UNC5D: variants seen among roughly 807,000 people sequenced by gnomAD.
UNC5D encodes the protein netrin receptor UNC5D.
Under a neutral mutation model 105.4 loss-of-function variants are expected in UNC5D, and 39 were observed. That is an observed-to-expected ratio of 0.37 (90% CI 0.29 to 0.48). The LOEUF is 0.48. Among genes scored for constraint, UNC5D ranks in the 20% least tolerant of loss-of-function variants. UNC5D has a pLI of 0.98. For missense variants in UNC5D, 991 were observed against 1,202.4 expected, an observed-to-expected ratio of 0.82 and a Z score of 2.60; for synonymous variants, 452 against 450.4, an observed-to-expected ratio of 1.00 and a Z score of -0.04.
At position 35,315,687 on chromosome 8, in the gene UNC5D, G is replaced by A. The variant is rs368392007; in HGVS notation, c.103+79800G>A. 3.2e-4 allele frequency among the ~76,000 whole-genome samples: 48 copies of A among 152,286 alleles called. 1 individual carries two copies. Among genetic ancestry groups the A allele is most frequent in the African/African-American group, 1.1e-3 (44 of 41,562 alleles). ...TGTGCGGCCAATTTTGTAGTTTATT[G>A]CAACTTAAAACATCTCAATGAGGCA... On this transcript the variant is annotated intron_variant, in intron 1 of 16. Coordinates refer to ENST00000404895, the MANE Select transcript of UNC5D (RefSeq NM_080872.4).
chr8:35,276,364 T>A (rs1805777338), intron 1 of UNC5D, among the ~76,000 whole-genome samples: 1 of 152,172 alleles, frequency 6.6e-6, no homozygotes, highest in Non-Finnish European at 1.5e-5. Context: ...TTAGCACAGC[T>A]AATAAATAAC....
Position 35,568,147 on chromosome 8 carries a change from G to T in UNC5D, c.372G>T (p.Glu124Asp). 6.2e-7 allele frequency: 1 copy of T among 1,614,218 alleles called. No homozygotes were observed. Among genetic ancestry groups the T allele is most frequent in the South Asian group, 1.1e-5 (1 of 91,084 alleles). The change falls in exon 3 of 17, where the codon GAG becomes GAT. Residue 124 changes from glutamate (E) to aspartate (D), a missense_variant. Physicochemically the swap from Glu to Asp is conservative, Grantham distance 45 (BLOSUM62 2). Around this residue, in one of 3 missense-constraint regions of UNC5D, gnomAD observed 944 missense variants for 1,131.6 expected, o/e 0.83. Coordinates refer to ENST00000404895, the MANE Select transcript of UNC5D (RefSeq NM_080872.4). Reference sequence around the variant, plus strand: ...TCAATGTTACTAGGCAACAGGTGGAGGACTTCCATGGGCCCGAGGACTATT... The same window carrying T: ...TCAATGTTACTAGGCAACAGGTGGATGACTTCCATGGGCCCGAGGACTATT... ...VFINVTRQQV[E>D]DFHGPEDYWC... is the part of the protein sequence containing the mutation.
At chr8:35,679,076 C>T (rs1825478704) in intron 4 of UNC5D, among the ~76,000 whole-genome samples, 1 of 152,016 alleles carries the variant, frequency 6.6e-6, no homozygotes, top group Non-Finnish European at 1.5e-5. Context: ...TAGTGAAACC[C>T]TGTCTCTACA....
intron 1 of UNC5D, among the ~76,000 whole-genome samples, chr8:35,304,732 A>G (rs554587672): frequency 9.2e-5 from 14 of 152,118 alleles, no homozygotes; most frequent in Non-Finnish European, 1.5e-4. Flanking sequence ...TGCAGATTAT[A>G]TGGGATAAAA....
chr8:35,330,271 TGTATTTATTG>T (rs1810511432), intron 1 of UNC5D, among the ~76,000 whole-genome samples: 1 of 152,218 alleles, frequency 6.6e-6, no homozygotes, highest in Non-Finnish European at 1.5e-5. Flanking sequence ...GAAAAAAGAC[TGTATTTATTG>T]AAACAGGCTT....
chr8:35,552,869 A>C (rs906199451), intron 2 of UNC5D, among the ~76,000 whole-genome samples: 1 of 152,176 alleles, frequency 6.6e-6, no homozygotes, highest in Non-Finnish European at 1.5e-5. Context: ...GGGAGAGGGC[A>C]ACCAAGGGAA....
At chr8:35,241,989 T>C (rs1476925113) in intron 1 of UNC5D, among the ~76,000 whole-genome samples, 1 of 152,222 alleles carries the variant, frequency 6.6e-6, no homozygotes, top group East Asian at 1.9e-4. Context: ...TAGTTTATTT[T>C]ATAAATGAGG....
intron 1 of UNC5D, among the ~76,000 whole-genome samples, chr8:35,519,394 A>ACCTT (rs1199916293): frequency 6.6e-6 from 1 of 152,156 alleles, no homozygotes. Flanking sequence ...CAGGCCTCAT[A>ACCTT]CATTTATAAC....
At chr8:35,689,404 A>T (rs1586442072) in intron 7 of UNC5D, among the ~76,000 whole-genome samples, 1 of 152,354 alleles carries the variant, frequency 6.6e-6, no homozygotes, top group Middle Eastern at 3.4e-3. Context: ...GATATCTGAG[A>T]TGCTGTATTA....
At chr8:35,680,718 C>G (rs1285393402) in intron 4 of UNC5D, among the ~76,000 whole-genome samples, 1 of 152,144 alleles carries the variant, frequency 6.6e-6, no homozygotes, top group East Asian at 1.9e-4. Context: ...TTCTTGATTT[C>G]CAGGTGCTAG....
chr8:35,350,434 G>A (rs1309030337), intron 1 of UNC5D, among the ~76,000 whole-genome samples: 1 of 152,114 alleles, frequency 6.6e-6, no homozygotes, highest in East Asian at 1.9e-4. Context: ...GTAAATAAAA[G>A]TGCCTAGCAT....
intron 4 of UNC5D, among the ~76,000 whole-genome samples, chr8:35,624,427 C>A (rs1821572064): frequency 6.6e-6 from 1 of 152,188 alleles, no homozygotes; most frequent in African/African-American, 2.4e-5. Context: ...TTATTCCCAA[C>A]ATGCATGACC....
intron 1 of UNC5D, among the ~76,000 whole-genome samples, chr8:35,352,141 A>G (rs1293903196): frequency 2.0e-5 from 3 of 152,152 alleles, no homozygotes; most frequent in African/African-American, 7.2e-5. Context: ...AGAAAAATAT[A>G]TAAGTAAAGA....
At chr8:35,556,774 G>T (rs1476040866) in intron 2 of UNC5D, among the ~76,000 whole-genome samples, 1 of 152,100 alleles carries the variant, frequency 6.6e-6, no homozygotes, top group Non-Finnish European at 1.5e-5. Context: ...CCCAAGTCTG[G>T]GTTTGTTTAG....
chr8:35,345,995 A>G lies in UNC5D; in HGVS notation c.103+110108A>G, dbSNP rs370185631. The stretch of plus-strand genomic sequence containing the variant: ...TCATGGCGTGTGTTTTCTTTGGAGA[A>G]ATCTCAAGTCATTTTTAACATGCTG... On this transcript the variant is annotated intron_variant, in intron 1 of 16. Transcript: ENST00000404895. Among the ~76,000 whole-genome samples, 6 of 152,176 alleles carry G rather than the reference A, an allele frequency of 3.9e-5. No individual in the cohort carries two copies. The East Asian group carries it at 1.2e-3, about 29-fold the overall frequency.
rs142815405 is a variant in UNC5D at position 35,439,706 on chromosome 8, C to G, written c.104-109586C>G. 1.5e-3 allele frequency among the ~76,000 whole-genome samples: 230 copies of G among 152,032 alleles called. 1 individual carries two copies. Among genetic ancestry groups the G allele is most frequent in the African/African-American group, 5.2e-3 (217 of 41,498 alleles). ...TGTCATCTTCTAAATATGGAAAGTC[C>G]TTTTTCCATCTTCTAAATATGGAAA... On this transcript the variant is annotated intron_variant, in intron 1 of 16. Coordinates refer to ENST00000404895, the MANE Select transcript of UNC5D (RefSeq NM_080872.4).
chr8:35,434,650 A>G (rs1382963137), intron 1 of UNC5D, among the ~76,000 whole-genome samples: 1 of 152,154 alleles, frequency 6.6e-6, no homozygotes, highest in Non-Finnish European at 1.5e-5. Flanking sequence ...AAAACTTGTA[A>G]CATTAATACA....
chr8:35,768,815 C>A (rs1280377862), intron 15 of UNC5D, among the ~76,000 whole-genome samples: 1 of 152,160 alleles, frequency 6.6e-6, no homozygotes, highest in Non-Finnish European at 1.5e-5. Context: ...AAGATAACAT[C>A]ATAATATCTC....
At chr8:35,585,534 G>A (rs1356753618) in intron 3 of UNC5D, among the ~76,000 whole-genome samples, 1 of 151,278 alleles carries the variant, frequency 6.6e-6, no homozygotes, top group African/African-American at 2.4e-5. Flanking sequence ...ATATGTGTGT[G>A]TGTGTGTGTG....
Sources: gnomAD v4.1 joint callset for allele counts (sites outside exome capture counted in the v4.1 genomes callset) on GRCh38, gnomAD v4.1.1 for gene constraint, gnomAD v4.1.1 regional missense constraint, MANE v1.5 for transcripts, NCBI Gene and HGNC (gene_info 2026-07-23, HGNC 2026-07-21) for gene names.